Variants in INSYN2A observed in about 807,000 individuals in gnomAD.
INSYN2A encodes family with sequence similarity 196 member A.
Under a neutral mutation model 39.4 loss-of-function variants are expected in INSYN2A, and 17 were observed. The ratio of observed to expected loss-of-function variants is 0.43; its 90% confidence interval spans 0.30 to 0.65. INSYN2A has a LOEUF of 0.65. INSYN2A is among the 30% of genes least tolerant of loss of function. The pLI, the probability that INSYN2A is intolerant of heterozygous loss-of-function variation, is 0.14. For synonymous variants in INSYN2A, 255 were observed against 265.7 expected, an observed-to-expected ratio of 0.96 and a Z score of 0.39; for missense variants, 595 against 631.2, an observed-to-expected ratio of 0.94 and a Z score of 0.61.
chr10:127,157,381 CAT>C (rs2053183990), intron 4 of INSYN2A, among the ~76,000 whole-genome samples: 2 of 152,176 alleles, frequency 1.3e-5, no homozygotes, highest in African/African-American at 2.4e-5. Flanking sequence ...GAGATGAGGA[CAT>C]GTGTATAAAA....
chr10:127,153,979 A>T, intron 4 of INSYN2A, 56 bp from the exon 5 acceptor site: 1 of 1,261,540 alleles, frequency 7.9e-7, no homozygotes. Flanking sequence ...CACTGGCTTT[A>T]TAGAGCAGAT....
At chr10:127,181,809 T>A (rs1018760042) in intron 2 of INSYN2A, among the ~76,000 whole-genome samples, 1 of 152,118 alleles carries the variant, frequency 6.6e-6, no homozygotes, top group Non-Finnish European at 1.5e-5. Flanking sequence ...CATTGTGAAA[T>A]AGTTAACTTA....
At chr10:127,190,534 A>C (rs1332198582) in intron 2 of INSYN2A, among the ~76,000 whole-genome samples, 4 of 93,556 alleles carry the variant, frequency 4.3e-5, no homozygotes, top group African/African-American at 1.6e-4. Flanking sequence ...GAATCGCTTC[A>C]TCCAATTTCC....
intron 2 of INSYN2A, among the ~76,000 whole-genome samples, chr10:127,187,976 C>A (rs1054369054): frequency 6.6e-6 from 1 of 152,158 alleles, no homozygotes; most frequent in Non-Finnish European, 1.5e-5. Flanking sequence ...TCTTCTATTT[C>A]CTGCTGTATC....
intron 5 of INSYN2A, among the ~76,000 whole-genome samples, chr10:127,149,081 C>CCAA (rs2052210276): frequency 6.6e-6 from 1 of 152,168 alleles, no homozygotes; most frequent in East Asian, 1.9e-4. Flanking sequence ...TGTTTTTCAG[C>CCAA]TGAGGAATGC....
intron 4 of INSYN2A, among the ~76,000 whole-genome samples, chr10:127,163,177 GGGAACATGT>G (rs1266358649): frequency 3.3e-5 from 5 of 152,136 alleles, no homozygotes; most frequent in Admixed American, 6.5e-5. Flanking sequence ...TTTGCTGGCT[GGGAACATGT>G]CTTTGTTCCT....
chr10:127,144,517 C>T (rs183051397), intron 5 of INSYN2A, among the ~76,000 whole-genome samples: 6 of 152,318 alleles, frequency 3.9e-5, no homozygotes, highest in African/African-American at 1.4e-4. Flanking sequence ...TGTTGAATTA[C>T]AATAAACTGA....
chr10:127,194,163 T>C (rs2056939267), intron 1 of INSYN2A, among the ~76,000 whole-genome samples: 1 of 152,248 alleles, frequency 6.6e-6, no homozygotes, highest in Non-Finnish European at 1.5e-5. Flanking sequence ...ATGAATTTAG[T>C]GAAGAAAACA....
chr10:127,184,905 T>G (rs563749287), intron 2 of INSYN2A, among the ~76,000 whole-genome samples: 1 of 152,308 alleles, frequency 6.6e-6, no homozygotes, highest in Admixed American at 6.5e-5. Flanking sequence ...TGGGGTGACC[T>G]AGGCACCATA....
rs1434996683 is a variant in INSYN2A, at chr10:127,175,475, G to C, written c.921C>G (p.Cys307Trp). ...LQAPSETALA[C>W]SPPMQCLSPE... Reference sequence around the variant, plus strand: ...GGGACAGGCACTGCATCGGGGGTGAGCAGGCCAGGGCAGTTTCCGAGGGCG... The same window carrying C: ...GGGACAGGCACTGCATCGGGGGTGACCAGGCCAGGGCAGTTTCCGAGGGCG... Residue 307 changes from cysteine to tryptophan, a missense_variant, in exon 4 of 6, where the codon TGC becomes TGG. This residue lies in a region of INSYN2A where 478 missense variants were observed against 467.4 expected (regional missense o/e 1.02). Transcript: ENST00000522781. The surrounding 1 kb of genome is among the most constrained non-coding windows in gnomAD (Gnocchi z 6.3). 2.5e-6 allele frequency: 4 copies of C among 1,609,250 alleles called. No individual in the cohort carries two copies. Among genetic ancestry groups the C allele is most frequent in the Non-Finnish European group, 3.4e-6 (4 of 1,180,012 alleles).
intron 5 of INSYN2A, among the ~76,000 whole-genome samples, chr10:127,148,217 C>T (rs2133410507): frequency 6.6e-6 from 1 of 152,220 alleles, no homozygotes; most frequent in African/African-American, 2.4e-5. Context: ...CTCATTGATC[C>T]ACTGCAGAAT....
chr10:127,140,478 G>A (rs1437344655), intron 5 of INSYN2A, among the ~76,000 whole-genome samples: 7 of 152,202 alleles, frequency 4.6e-5, no homozygotes. Flanking sequence ...TGTCACATGT[G>A]AGTTGCAGTG....
At chr10:127,181,319 A>C (rs1044369468) in intron 2 of INSYN2A, among the ~76,000 whole-genome samples, 2 of 152,218 alleles carry the variant, frequency 1.3e-5, no homozygotes, top group African/African-American at 4.8e-5. Context: ...AAACAGACTC[A>C]ATAGTCTGAA....
At chr10:127,155,461 T>G (rs2133553833) in intron 4 of INSYN2A, among the ~76,000 whole-genome samples, 1 of 152,294 alleles carries the variant, frequency 6.6e-6, no homozygotes, top group Non-Finnish European at 1.5e-5. Flanking sequence ...GTCTCTATCG[T>G]CTTTCCATCA....
At chr10:127,153,823 A>T (rs369222449) in intron 5 of INSYN2A, 29 bp downstream of exon 5, 1 of 1,535,478 alleles carries the variant, frequency 6.5e-7, no homozygotes, top group African/African-American at 1.4e-5. Flanking sequence ...TCATAATAAG[A>T]AAGTGGGAAG....
chr10:127,155,399 C>T (rs537782596), intron 4 of INSYN2A, among the ~76,000 whole-genome samples: 22 of 152,220 alleles, frequency 1.4e-4, no homozygotes, highest in African/African-American at 4.6e-4. Flanking sequence ...TGTTGCCAGG[C>T]ACTTTCTGTG....
chr10:127,184,540 C>T lies in INSYN2A; in HGVS notation c.-268-7401G>A, dbSNP rs73380438. Among the ~76,000 whole-genome samples the T allele has an allele frequency of 9.7e-3, 1,460 of 150,716 alleles. 22 individuals are homozygous for T. Among genetic ancestry groups the T allele is most frequent in the African/African-American group, 0.034 (1,386 of 40,952 alleles). ...GTCTTGGCTTCAAGTGCACACGTCGCTTCTCTGTGCATATACCTGGATACA... is the reference window on the plus strand; with the variant it reads ...GTCTTGGCTTCAAGTGCACACGTCGTTTCTCTGTGCATATACCTGGATACA... On this transcript the variant is annotated intron_variant, in intron 2 of 5. Transcript: ENST00000522781.
At position 127,175,614 on chromosome 10, in the gene INSYN2A, A is replaced by C. The variant is rs2133894171; in HGVS notation, c.782T>G (p.Leu261Arg). ...ACCAGGCTCGGGGGCCCTGGCACTGAGGGCAGGTGCGTAAACGGTGGCAAC... is the reference window on the plus strand; with the variant it reads ...ACCAGGCTCGGGGGCCCTGGCACTGCGGGCAGGTGCGTAAACGGTGGCAAC... ...TEVATVYAPA[L>R]SARAPEPGLS... Residue 261 changes from leucine (L) to arginine (R), a missense_variant, in exon 4 of 6, where the codon CTC becomes CGC. Coordinates refer to ENST00000522781, the MANE Select transcript of INSYN2A (RefSeq NM_001039762.3). The surrounding 1 kb of genome is among the most constrained non-coding windows in gnomAD (Gnocchi z 6.3). 1.9e-6 allele frequency: 3 copies of C among 1,612,952 alleles called. No individual in the cohort carries two copies. The East Asian group carries it at 6.7e-5, about 36-fold the overall frequency.
chr10:127,160,099 T>C (rs1448641563), intron 4 of INSYN2A, among the ~76,000 whole-genome samples: 1 of 139,188 alleles, frequency 7.2e-6, no homozygotes, highest in African/African-American at 2.7e-5. Context: ...GAGGCAATCA[T>C]AACAAAACAT....
Sources: gnomAD v4.1 joint callset for allele counts (sites outside exome capture counted in the v4.1 genomes callset) on GRCh38, gnomAD v4.1.1 for gene constraint, gnomAD v4.1.1 regional missense constraint, Gnocchi (gnomAD v3.1) non-coding constraint, MANE v1.5 for transcripts, NCBI Gene and HGNC (gene_info 2026-07-23, HGNC 2026-07-21) for gene names.